The following RAB38 variants were observed in gnomAD, a reference collection of about 807,000 sequenced individuals.
RAB38 encodes RAB38, member RAS oncogene family, also known as ras-related protein Rab-38.
A neutral mutation model predicts 18.4 loss-of-function variants in RAB38; 15 were observed. The ratio of observed to expected loss-of-function variants is 0.82; its 90% CI spans 0.55 to 1.26. RAB38 has a LOEUF of 1.26. Ranked by LOEUF, RAB38 falls within the 50% of genes most tolerant of loss-of-function variation. RAB38 has a pLI of 0.00. For missense variants in RAB38, 294 were observed against 267.4 expected, an observed-to-expected ratio of 1.10 and a Z score of -0.69; for synonymous variants, 101 against 104.4, an observed-to-expected ratio of 0.97 and a Z score of 0.20.
At chr11:87,893,390 A>ATATATATATATATATTTT in the RAB38 span, among the ~76,000 whole-genome samples, 127 of 93,888 alleles carry the variant, frequency 1.4e-3, 1 homozygote, top group African/African-American at 4.1e-3. Flanking sequence ...ATATATATAT[A>ATATATATATATATATTTT]TTTTTTTTTT....
At chr11:88,006,112 A>G in the RAB38 span, among the ~76,000 whole-genome samples, 1 of 151,642 alleles carries the variant, frequency 6.6e-6, no homozygotes, top group Middle Eastern at 3.2e-3. Flanking sequence ...AAAAATGTGC[A>G]AAGGACCTGA....
At chr11:87,912,762 CTTTCTT>C in the RAB38 span, among the ~76,000 whole-genome samples, 2 of 86,538 alleles carry the variant, frequency 2.3e-5, no homozygotes, top group Admixed American at 1.1e-4. Flanking sequence ...AATTTTCTTT[CTTTCTT>C]TTTTTTTTTT....
chr11:88,033,972 C>T, the RAB38 span, among the ~76,000 whole-genome samples: 21 of 152,154 alleles, frequency 1.4e-4, no homozygotes, highest in Admixed American at 1.4e-3. Flanking sequence ...CGTGATCTGC[C>T]CACCTCGGCC....
rs34044049 is a variant in RAB38 at position 88,119,669 on chromosome 11, C to CA, written c.484-5530dup. Among the ~76,000 whole-genome samples the CA allele has an allele frequency of 5.3e-3, 565 of 106,532 alleles. 7 individuals carry two copies. The highest frequency in any genetic ancestry group is 0.037 in the South Asian group (118 of 3,232). The allele number at this position is 106,532 out of a possible 152,430, so 69.9% of individuals were successfully genotyped here. On this transcript the variant is annotated intron_variant, in intron 2 of 2. Transcript: ENST00000243662. Reference sequence around the variant, plus strand: ...TCTTTGACCCCCAGCACCAGAGAGCCAAAAAAAAAAAAAAAATCCTAGCAG... The same window carrying CA: ...TCTTTGACCCCCAGCACCAGAGAGCCAAAAAAAAAAAAAAAAATCCTAGCAG...
intron 1 of RAB38, among the ~76,000 whole-genome samples, chr11:88,156,877 A>C (rs982894500): frequency 6.6e-6 from 1 of 152,236 alleles, no homozygotes; most frequent in Non-Finnish European, 1.5e-5. Context: ...TGGCTGCCAC[A>C]AAAATACACT....
the RAB38 span, among the ~76,000 whole-genome samples, chr11:88,076,019 A>T: frequency 6.6e-6 from 1 of 151,638 alleles, no homozygotes; most frequent in East Asian, 1.9e-4. Flanking sequence ...AAAAATATTA[A>T]AATTGAAAAT....
chr11:87,845,233 AG>A, the RAB38 span, among the ~76,000 whole-genome samples: 2 of 152,312 alleles, frequency 1.3e-5, no homozygotes, highest in African/African-American at 4.8e-5. Flanking sequence ...TAAAAGCAAA[AG>A]ATAGTAACAC....
the RAB38 span, among the ~76,000 whole-genome samples, chr11:88,036,480 T>C: frequency 6.6e-6 from 1 of 152,172 alleles, no homozygotes; most frequent in Non-Finnish European, 1.5e-5. Context: ...TTACCCTTTC[T>C]TTCATCCTAC....
chr11:88,142,730 T>C (rs1172658169), intron 2 of RAB38, among the ~76,000 whole-genome samples: 1 of 152,212 alleles, frequency 6.6e-6, no homozygotes, highest in Non-Finnish European at 1.5e-5. Flanking sequence ...AGACAAAGAA[T>C]GTCCATTGCA....
At chr11:87,830,488 A>AG in the RAB38 span, among the ~76,000 whole-genome samples, 2 of 152,150 alleles carry the variant, frequency 1.3e-5, no homozygotes, top group East Asian at 3.9e-4. Flanking sequence ...CTCAAAAAAA[A>AG]AAAAACTGCT....
the RAB38 span, among the ~76,000 whole-genome samples, chr11:87,932,837 T>G: frequency 1.1e-4 from 17 of 152,116 alleles, no homozygotes; most frequent in Non-Finnish European, 2.1e-4. Flanking sequence ...TACTCAGATC[T>G]TCTAAATTGG....
the RAB38 span, among the ~76,000 whole-genome samples, chr11:87,853,022 G>T: frequency 6.6e-6 from 1 of 152,104 alleles, no homozygotes; most frequent in Non-Finnish European, 1.5e-5. Context: ...TGTGATAATT[G>T]CTAGGGAAAA....
the RAB38 span, among the ~76,000 whole-genome samples, chr11:87,936,849 T>C: frequency 6.6e-6 from 1 of 152,252 alleles, no homozygotes; most frequent in East Asian, 1.9e-4. Context: ...TAAACTTGGT[T>C]ATTATTTCTA....
the RAB38 span, among the ~76,000 whole-genome samples, chr11:88,049,103 C>T: frequency 6.6e-6 from 1 of 152,176 alleles, no homozygotes; most frequent in African/African-American, 2.4e-5. Context: ...CGCCCCTAAT[C>T]CCGCTTGAAG....
the RAB38 span, among the ~76,000 whole-genome samples, chr11:87,821,797 G>A: frequency 6.6e-6 from 1 of 150,524 alleles, no homozygotes; most frequent in African/African-American, 2.5e-5. Flanking sequence ...ATTGCAGTGA[G>A]CCGAGATCCC....
At chr11:88,027,413 G>A in the RAB38 span, among the ~76,000 whole-genome samples, 11 of 152,234 alleles carry the variant, frequency 7.2e-5, no homozygotes, top group Admixed American at 7.2e-4. Flanking sequence ...CCTAAGCAGG[G>A]TGAGGCATTG....
At chr11:88,100,433 T>C in the RAB38 span, among the ~76,000 whole-genome samples, 4 of 151,934 alleles carry the variant, frequency 2.6e-5, no homozygotes, top group Non-Finnish European at 5.9e-5. Context: ...TGTAAGAAAG[T>C]CTTTCCGATG....
the RAB38 span, among the ~76,000 whole-genome samples, chr11:87,902,884 C>CAT: frequency 2.0e-5 from 3 of 150,062 alleles, no homozygotes; most frequent in East Asian, 3.9e-4. Context: ...TATGTATGTG[C>CAT]ATATATATGC....
intron 1 of RAB38, among the ~76,000 whole-genome samples, chr11:88,150,990 A>G (rs1943057241): frequency 6.6e-6 from 1 of 152,206 alleles, no homozygotes; most frequent in Non-Finnish European, 1.5e-5. Context: ...AACCTATTGG[A>G]TAAGAAAAGC....
Sources: allele counts gnomAD v4.1 joint callset (sites outside exome capture counted in the v4.1 genomes callset), GRCh38; gene constraint gnomAD v4.1.1; transcripts MANE v1.5; gene names NCBI Gene and HGNC (gene_info 2026-07-23, HGNC 2026-07-21).